The following P2RY8 variants were observed in gnomAD, a reference collection of about 807,000 sequenced individuals.
The protein encoded by P2RY8 is S-geranylgeranyl-glutathione receptor P2RY8.
P2RY8 carries 6 observed loss-of-function variants against 10.0 expected under a neutral mutation model. The observed-to-expected ratio is 0.60, with a 90% CI of 0.33 to 1.19. The LOEUF is 1.19. Ranked by LOEUF, P2RY8 falls within the 50% of genes most tolerant of loss-of-function variation. The probability of loss-of-function intolerance (pLI) is 0.04; values close to 1 mark genes in which losing one functional copy is unlikely to be tolerated. For missense variants in P2RY8, 456 were observed against 542.0 expected, an observed-to-expected ratio of 0.84 and a Z score of 1.58; for synonymous variants, 276 against 252.5, an observed-to-expected ratio of 1.09 and a Z score of -0.88.
intron 1 of P2RY8, among the ~76,000 whole-genome samples, chrX:1,509,087 CTATGTATCTATG>C (rs1330751818): frequency 1.0e-4 from 13 of 127,870 alleles, no homozygotes; most frequent in South Asian, 2.8e-4. Context: ...ATGTATCTAT[CTATGTATCTATG>C]TATCTATCTA....
intron 1 of P2RY8, among the ~76,000 whole-genome samples, chrX:1,480,013 G>C (rs2091916635): frequency 6.6e-6 from 1 of 152,068 alleles, no homozygotes; most frequent in Non-Finnish European, 1.5e-5. Flanking sequence ...CAAACAAAAG[G>C]CTCCAGGCCC....
chrX:1,467,151 CA>C (rs1346347115), intron 1 of P2RY8, among the ~76,000 whole-genome samples: 1 of 152,124 alleles, frequency 6.6e-6, no homozygotes, highest in Non-Finnish European at 1.5e-5. Context: ...CCTCTCATCT[CA>C]GGGGCATCCA....
chrX:1,521,750 A>G (rs1197366345), intron 1 of P2RY8, among the ~76,000 whole-genome samples: 1 of 150,502 alleles, frequency 6.6e-6, no homozygotes, highest in African/African-American at 2.4e-5. Context: ...TCAGCTGGGT[A>G]TTTGGTGGTA....
chrX:1,535,162 C>T (rs184616306), intron 1 of P2RY8, among the ~76,000 whole-genome samples: 4,840 of 137,864 alleles, frequency 0.035, 266 homozygotes, highest in African/African-American at 0.12. Flanking sequence ...GAAAGTACTG[C>T]TTTTCCAATG....
intron 1 of P2RY8, among the ~76,000 whole-genome samples, chrX:1,532,468 TATGTATAG>T (rs1462685991): frequency 1.4e-4 from 1 of 7,306 alleles, no homozygotes; most frequent in South Asian, 7.9e-3. Context: ...TATACACATA[TATGTATAG>T]ATGTATATGT....
At chrX:1,494,975 C>T (rs1328163215) in intron 1 of P2RY8, among the ~76,000 whole-genome samples, 1 of 132,570 alleles carries the variant, frequency 7.5e-6, no homozygotes, top group African/African-American at 2.5e-5. Flanking sequence ...GCCTCGGCCT[C>T]CCAAAGTGCT....
chrX:1,485,702 A>ATTGTATGTATAT (rs2091980597), intron 1 of P2RY8, among the ~76,000 whole-genome samples: 1 of 148,118 alleles, frequency 6.8e-6, no homozygotes, highest in African/African-American at 2.5e-5. Flanking sequence ...TTATAAATTA[A>ATTGTATGTATAT]ACATGTTATA....
In P2RY8 at chrX:1,466,565, G is replaced by A. The variant is rs1347011628; in HGVS notation, c.-7C>T. The A allele has an allele frequency of 4.4e-6, 7 of 1,601,468 alleles. No homozygotes were observed. In the South Asian group the frequency reaches 4.4e-5, roughly 10 times the overall value. ...TGCTGTTCGGGACCTGCATCCTGGAGGGGTCCTCGCCCGGGCTCTGCAAGG... is the reference window on the plus strand; with the variant it reads ...TGCTGTTCGGGACCTGCATCCTGGAAGGGTCCTCGCCCGGGCTCTGCAAGG... On this transcript the variant is annotated 5_prime_UTR_variant, in exon 2 of 2. Coordinates refer to ENST00000381297, the MANE Select transcript of P2RY8 (RefSeq NM_178129.5).
At chrX:1,521,371 C>G (rs1415906942) in intron 1 of P2RY8, among the ~76,000 whole-genome samples, 3 of 151,876 alleles carry the variant, frequency 2.0e-5, no homozygotes, top group African/African-American at 7.3e-5. Context: ...TTCTAATATT[C>G]TCTCTGTCCC....
At chrX:1,534,983 T>A (rs2092513608) in intron 1 of P2RY8, among the ~76,000 whole-genome samples, 1 of 151,944 alleles carries the variant, frequency 6.6e-6, no homozygotes, top group Admixed American at 6.6e-5. Flanking sequence ...CTGAAAAGCA[T>A]GTGCTTTTAC....
intron 1 of P2RY8, among the ~76,000 whole-genome samples, chrX:1,517,518 A>G (rs1396399625): frequency 3.3e-5 from 5 of 152,166 alleles, no homozygotes; most frequent in Non-Finnish European, 1.5e-5. Flanking sequence ...GAGTCTCAGG[A>G]TGAACTGGAA....
intron 1 of P2RY8, among the ~76,000 whole-genome samples, chrX:1,525,542 G>A (rs1444335272): frequency 2.6e-5 from 4 of 152,118 alleles, no homozygotes; most frequent in African/African-American, 9.7e-5. Flanking sequence ...GAAACAGTAT[G>A]CATTAATTCG....
chrX:1,480,444 G>C (rs1176957011), intron 1 of P2RY8, among the ~76,000 whole-genome samples: 1 of 151,584 alleles, frequency 6.6e-6, no homozygotes, highest in Admixed American at 6.6e-5. Context: ...GCTGGGGGCA[G>C]TAGTGCAATG....
intron 1 of P2RY8, among the ~76,000 whole-genome samples, chrX:1,487,481 C>T (rs1186064684): frequency 6.6e-6 from 1 of 152,084 alleles, no homozygotes; most frequent in Non-Finnish European, 1.5e-5. Flanking sequence ...TGACAAGGGG[C>T]GTGGTGCTTG....
rs201740586 is a variant in P2RY8, at chrX:1,466,449, C to T, written c.110G>A (p.Ser37Asn). The T allele has an allele frequency of 6.2e-7, 1 of 1,612,506 alleles. No homozygotes were observed. The highest frequency in any genetic ancestry group is 2.2e-5 in the East Asian group (1 of 44,872). Residue 37 changes from serine (S) to asparagine (N), a missense_variant, in exon 2 of 2, where the codon AGC (serine) becomes AAC (asparagine). Ser to Asn is a conservative substitution (Grantham distance 46). Transcript: ENST00000381297. Reference protein sequence around the residue: ...PVVYSLVAAVSIPGNLFSLWV... With the variant: ...PVVYSLVAAVNIPGNLFSLWV... ...CAGAGAGAAGAGGTTGCCCGGGATG[C>T]TGACCGCCGCCACCAGCGAGTACAC...
chrX:1,486,596 G>T (rs2091988342), intron 1 of P2RY8, among the ~76,000 whole-genome samples: 2 of 152,212 alleles, frequency 1.3e-5, no homozygotes, highest in Admixed American at 1.3e-4. Flanking sequence ...CCCCTAAAGG[G>T]GGTGTTTCCT....
intron 1 of P2RY8, among the ~76,000 whole-genome samples, chrX:1,478,898 T>C (rs4933159): frequency 0.53 from 80,746 of 151,708 alleles, 21,700 homozygotes; most frequent in South Asian, 0.64. Context: ...CCCTGCTGTC[T>C]GCCTTTCTGG....
chrX:1,481,327 C>G (rs1423015286), intron 1 of P2RY8, among the ~76,000 whole-genome samples: 1 of 152,140 alleles, frequency 6.6e-6, no homozygotes, highest in African/African-American at 2.4e-5. Flanking sequence ...CCACGCCTGG[C>G]TAAGTTTTGT....
At chrX:1,483,437 C>T (rs1206593897) in intron 1 of P2RY8, among the ~76,000 whole-genome samples, 2 of 151,912 alleles carry the variant, frequency 1.3e-5, no homozygotes, top group Non-Finnish European at 2.9e-5. Context: ...GAGTTCGAGA[C>T]CAGCCTGACC....
Sources: gnomAD v4.1 joint callset for allele counts (sites outside exome capture counted in the v4.1 genomes callset) on GRCh38, gnomAD v4.1.1 for gene constraint, MANE v1.5 for transcripts, NCBI Gene and HGNC (gene_info 2026-07-23, HGNC 2026-07-21) for gene names.